SULF2: variants seen among roughly 807,000 people sequenced by gnomAD.
SULF2 encodes the protein extracellular sulfatase Sulf-2.
In SULF2, 52 loss-of-function variants were observed where a neutral mutation model predicts 107.7. That is an observed-to-expected ratio of 0.48 (90% confidence interval 0.39 to 0.61). SULF2 has a LOEUF of 0.61. Among genes scored for constraint, SULF2 ranks in the 20% least tolerant of loss-of-function variants. The pLI is 0.00. For synonymous variants in SULF2, 460 were observed against 464.3 expected, an observed-to-expected ratio of 0.99 and a Z score of 0.12; for missense variants, 993 against 1,177.3, an observed-to-expected ratio of 0.84 and a Z score of 2.29.
At chr20:47,677,341 G>A (rs1026003496) in intron 8 of SULF2, among the ~76,000 whole-genome samples, 1 of 151,922 alleles carries the variant, frequency 6.6e-6, no homozygotes, top group African/African-American at 2.4e-5. Context: ...ACTTGGGTCT[G>A]GAGACACACA....
intron 6 of SULF2, 134 bp from the exon 7 acceptor site, chr20:47,683,303 G>A: frequency 2.3e-6 from 2 of 879,882 alleles, no homozygotes; most frequent in Non-Finnish European, 3.3e-6. Flanking sequence ...CTTTCCCAGG[G>A]GCTGTCCCCT....
intron 20 of SULF2, among the ~76,000 whole-genome samples, chr20:47,658,893 G>A (rs997406070): frequency 6.6e-6 from 1 of 152,148 alleles, no homozygotes. Context: ...AAAATCTGGC[G>A]AACCTCAGCC....
chr20:47,732,817 T>G (rs1021526192), intron 3 of SULF2, among the ~76,000 whole-genome samples: 2 of 152,112 alleles, frequency 1.3e-5, no homozygotes, highest in African/African-American at 4.8e-5. Context: ...CACTCCAGCG[T>G]GGGCAACAGA....
intron 3 of SULF2, among the ~76,000 whole-genome samples, chr20:47,725,610 G>A (rs904874944): frequency 3.3e-5 from 5 of 152,214 alleles, no homozygotes; most frequent in African/African-American, 1.2e-4. Context: ...GTGGCCTGCA[G>A]ACCAATCCAT....
intron 3 of SULF2, among the ~76,000 whole-genome samples, chr20:47,710,466 T>C (rs1451782339): frequency 6.6e-6 from 1 of 151,808 alleles, no homozygotes; most frequent in Non-Finnish European, 1.5e-5. Flanking sequence ...CTAGGAGTAA[T>C]AGGTCACGCC....
chr20:47,778,066 G>A (rs1321505534), intron 1 of SULF2, among the ~76,000 whole-genome samples: 3 of 152,230 alleles, frequency 2.0e-5, no homozygotes, highest in East Asian at 3.9e-4. Context: ...ACTTGAGCTT[G>A]GGAGGTTGAG....
intron 2 of SULF2, among the ~76,000 whole-genome samples, chr20:47,737,293 A>G (rs1218860541): frequency 6.6e-6 from 1 of 152,206 alleles, no homozygotes; most frequent in Non-Finnish European, 1.5e-5. Flanking sequence ...ATGACCTGAG[A>G]CTGGAATCAA....
chr20:47,764,449 C>G (rs371487415), intron 1 of SULF2, among the ~76,000 whole-genome samples: 1 of 152,206 alleles, frequency 6.6e-6, no homozygotes, highest in Non-Finnish European at 1.5e-5. Flanking sequence ...ATTTCCCACC[C>G]CCCCTTATAT....
chr20:47,672,349 A>G lies in SULF2; in HGVS notation c.1425T>C (p.His475=). The change falls in exon 11 of 21, where the codon CAT becomes CAC. Residue 475 remains histidine (H), a synonymous_variant. Transcript: ENST00000688720. ...VEDATGKLKL[H]KCKGPMRLGG... ...CCAGCCGCATGGGGCCCTTGCACTTATGCAGCTTCAGCTTCCCCGTGGCGT... is the reference window on the plus strand; with the variant it reads ...CCAGCCGCATGGGGCCCTTGCACTTGTGCAGCTTCAGCTTCCCCGTGGCGT... 2 of 1,612,940 alleles carry G rather than the reference A, an allele frequency of 1.2e-6. No homozygotes were observed. The highest frequency in any genetic ancestry group is 1.7e-6 in the Non-Finnish European group (2 of 1,179,886).
At chr20:47,761,829 A>C (rs1450528904) in intron 1 of SULF2, among the ~76,000 whole-genome samples, 1 of 152,202 alleles carries the variant, frequency 6.6e-6, no homozygotes, top group African/African-American at 2.4e-5. Context: ...TCCTCACCCA[A>C]ATCTCATCTT....
intron 2 of SULF2, among the ~76,000 whole-genome samples, chr20:47,740,401 G>A (rs1336800757): frequency 1.3e-5 from 2 of 152,202 alleles, no homozygotes; most frequent in Admixed American, 6.5e-5. Flanking sequence ...CTTCAGTTAA[G>A]CTCAGAATGG....
At chr20:47,741,028 C>A (rs73135289) in intron 2 of SULF2, among the ~76,000 whole-genome samples, 120 of 152,282 alleles carry the variant, frequency 7.9e-4, no homozygotes, top group African/African-American at 2.7e-3. Context: ...TAAACACCCA[C>A]GATCGTACCC....
intron 5 of SULF2, chr20:47,684,791 T>C: frequency 4.1e-6 from 2 of 489,414 alleles, no homozygotes; most frequent in Non-Finnish European, 7.2e-6. Flanking sequence ...AAGTGTGCAC[T>C]TGGGAAGCTC....
rs759929231 is a variant in SULF2, at chr20:47,683,154, C to A, written c.904G>T (p.Val302Phe). The change falls in exon 7 of 21, where the codon GTT becomes TTT. Residue 302 changes from valine (V) to phenylalanine (F), a missense_variant. Physicochemically the swap from Val to Phe is conservative, Grantham distance 50. Around this residue, in one of 3 missense-constraint regions of SULF2, gnomAD observed 388 missense variants for 449.2 expected, o/e 0.86. Transcript: ENST00000688720. ...DSMETIYNML[V>F]ETGELDNTYI... ...GTGTTGTCCAGCTCGCCCGTCTCAA[C>A]CAGCATGTTGTAAATCTGCAACACG... is the stretch of plus-strand genomic sequence containing the variant. 1.2e-6 allele frequency: 2 copies of A among 1,602,172 alleles called. No individual in the cohort carries two copies. Among genetic ancestry groups the A allele is most frequent in the East Asian group, 4.5e-5 (2 of 44,638 alleles).
intron 11 of SULF2, among the ~76,000 whole-genome samples, chr20:47,671,399 G>C (rs933205134): frequency 6.6e-6 from 1 of 151,752 alleles, no homozygotes; most frequent in Non-Finnish European, 1.5e-5. Context: ...CTCTGCTCCC[G>C]GGTTCAAGCG....
chr20:47,769,754 G>T (rs1318581324), intron 1 of SULF2, among the ~76,000 whole-genome samples: 2 of 152,224 alleles, frequency 1.3e-5, no homozygotes, highest in Non-Finnish European at 2.9e-5. Context: ...CGTGTCCCAA[G>T]GAGATCAAGT....
intron 1 of SULF2, among the ~76,000 whole-genome samples, chr20:47,763,833 C>G (rs1291165858): frequency 2.0e-5 from 3 of 152,198 alleles, no homozygotes; most frequent in Admixed American, 1.3e-4. Context: ...AGCAGCCAGA[C>G]AGATCCTGTT....
chr20:47,701,377 T>G (rs1331210070), intron 4 of SULF2, among the ~76,000 whole-genome samples: 1 of 152,092 alleles, frequency 6.6e-6, no homozygotes, highest in Non-Finnish European at 1.5e-5. Context: ...AGATGCGCGG[T>G]GAAACAGATG....
At chr20:47,753,536 C>T (rs1378880669) in intron 2 of SULF2, among the ~76,000 whole-genome samples, 1 of 152,232 alleles carries the variant, frequency 6.6e-6, no homozygotes, top group Non-Finnish European at 1.5e-5. Context: ...AAAAACACGA[C>T]TTGGTTTTCA....
Sources: gnomAD v4.1 joint callset for allele counts (sites outside exome capture counted in the v4.1 genomes callset) on GRCh38, gnomAD v4.1.1 for gene constraint, gnomAD v4.1.1 regional missense constraint, MANE v1.5 for transcripts, NCBI Gene and HGNC (gene_info 2026-07-23, HGNC 2026-07-21) for gene names.